Variants in KCNQ4 observed in about 807,000 individuals in gnomAD.
The protein encoded by KCNQ4 is potassium voltage-gated channel subfamily KQT member 4.
In KCNQ4, 31 loss-of-function variants were observed where a neutral mutation model predicts 72.6. That is an observed-to-expected ratio of 0.43 (90% CI 0.32 to 0.58). KCNQ4 has a LOEUF of 0.58. Among genes scored for constraint, KCNQ4 ranks in the 20% least tolerant of loss-of-function variants. KCNQ4 has a pLI of 0.08. For missense variants in KCNQ4, 869 were observed against 962.6 expected, an observed-to-expected ratio of 0.90 and a Z score of 1.29; for synonymous variants, 405 against 403.7, an observed-to-expected ratio of 1.00 and a Z score of -0.04.
intron 11 of KCNQ4, 32 bp downstream of exon 11, chr1:40,833,145 T>A (rs1291862954): frequency 6.6e-7 from 1 of 1,515,842 alleles, no homozygotes; most frequent in African/African-American, 1.4e-5. Flanking sequence ...AGCACCCCCC[T>A]CCGTGTGCCA....
intron 1 of KCNQ4, among the ~76,000 whole-genome samples, chr1:40,799,686 C>A (rs534500169): frequency 6.6e-6 from 1 of 152,290 alleles, no homozygotes; most frequent in African/African-American, 2.4e-5. Context: ...ATTGGAGGCC[C>A]TAGGTCTTAT....
rs372587985 is a variant in KCNQ4, at chr1:40,823,810, G to A, written c.1131-287G>A. ...TGGCCTCTCTGAGGAGGCACGGCAC[G>A]TTCAGGCAGTCAGCTTGATGGGCTG... On this transcript the variant is annotated intron_variant, in intron 8 of 13. Coordinates refer to ENST00000347132, the MANE Select transcript of KCNQ4 (RefSeq NM_004700.4). 7.9e-5 allele frequency among the ~76,000 whole-genome samples: 12 copies of A among 152,344 alleles called. No individual in the cohort carries two copies. The East Asian group carries it at 1.2e-3, about 15-fold the overall frequency.
chr1:40,835,376 T>C (rs571058229), intron 12 of KCNQ4, among the ~76,000 whole-genome samples: 106 of 152,326 alleles, frequency 7.0e-4, no homozygotes, highest in Non-Finnish European at 1.1e-3. Flanking sequence ...AGAATGACTG[T>C]TTCCTGGTCC....
chr1:40,791,271 T>G (rs1647279003), intron 1 of KCNQ4, among the ~76,000 whole-genome samples: 1 of 152,134 alleles, frequency 6.6e-6, no homozygotes, highest in Non-Finnish European at 1.5e-5. Context: ...ACAGTCGTGG[T>G]GGGCAAATGA....
intron 1 of KCNQ4, among the ~76,000 whole-genome samples, chr1:40,785,794 C>T (rs961730039): frequency 3.9e-5 from 6 of 152,004 alleles, no homozygotes; most frequent in African/African-American, 1.5e-4. Context: ...ACTGGGCCCA[C>T]ATAATTTCAG....
intron 9 of KCNQ4, among the ~76,000 whole-genome samples, chr1:40,829,226 G>A (rs748099711): frequency 6.6e-6 from 1 of 152,234 alleles, no homozygotes; most frequent in Non-Finnish European, 1.5e-5. Flanking sequence ...ACAGGAGAAG[G>A]GGTTGCACGG....
intron 1 of KCNQ4, among the ~76,000 whole-genome samples, chr1:40,786,705 C>T (rs537981233): frequency 2.0e-5 from 3 of 152,232 alleles, no homozygotes; most frequent in South Asian, 2.1e-4. Flanking sequence ...GTTGTCAAAG[C>T]GGGTAGAAAC....
chr1:40,786,780 G>A (rs1198381995), intron 1 of KCNQ4, among the ~76,000 whole-genome samples: 1 of 152,102 alleles, frequency 6.6e-6, no homozygotes, highest in Non-Finnish European at 1.5e-5. Context: ...TAAGCTCCAG[G>A]GGCCTGTCTG....
Position 40,839,059 on chromosome 1 carries a change from C to T in KCNQ4, c.*536C>T, listed in dbSNP as rs1288490619. The T allele has an allele frequency of 5.9e-6, 1 of 168,930 alleles. No individual in the cohort carries two copies. Among genetic ancestry groups the T allele is most frequent in the African/African-American group, 2.4e-5 (1 of 41,826 alleles). The allele number at this position is 168,930 out of a possible 1,614,324, so 10.5% of individuals were successfully genotyped here. A position where few individuals can be genotyped will look rare whatever the true frequency, so the allele number is the denominator to read the frequency against. On this transcript the variant is annotated 3_prime_UTR_variant, in exon 14 of 14. Coordinates refer to ENST00000347132, the MANE Select transcript of KCNQ4 (RefSeq NM_004700.4). ...TATGCAAACCATGTTAAATATGCAACTTTGGGGACCCCCATGGGGTCTCTC... is the reference window on the plus strand; with the variant it reads ...TATGCAAACCATGTTAAATATGCAATTTTGGGGACCCCCATGGGGTCTCTC...
chr1:40,816,578 T>C (rs1558010750), intron 1 of KCNQ4, among the ~76,000 whole-genome samples: 1 of 152,172 alleles, frequency 6.6e-6, no homozygotes, highest in Non-Finnish European at 1.5e-5. Flanking sequence ...CTTCCATTTC[T>C]ATGTCTCTGG....
intron 1 of KCNQ4, among the ~76,000 whole-genome samples, chr1:40,805,986 C>T (rs1647746463): frequency 6.6e-6 from 1 of 152,142 alleles, no homozygotes; most frequent in African/African-American, 2.4e-5. Context: ...GGACTACAGG[C>T]GCCCACCACC....
intron 1 of KCNQ4, among the ~76,000 whole-genome samples, chr1:40,815,176 G>T (rs542139927): frequency 6.7e-6 from 1 of 148,864 alleles, no homozygotes; most frequent in African/African-American, 2.5e-5. Flanking sequence ...GGAGGCGGAG[G>T]TTGCAGTGAG....
At chr1:40,785,574 C>T (rs1237169992) in intron 1 of KCNQ4, among the ~76,000 whole-genome samples, 9 of 152,098 alleles carry the variant, frequency 5.9e-5, no homozygotes, top group Non-Finnish European at 1.0e-4. Context: ...GTCTGCTCAC[C>T]CTTCCACCTA....
chr1:40,797,876 TG>T (rs1296012845), intron 1 of KCNQ4, among the ~76,000 whole-genome samples: 1 of 151,902 alleles, frequency 6.6e-6, no homozygotes, highest in African/African-American at 2.4e-5. Flanking sequence ...TGGTGGTGTG[TG>T]GGGGTGGCCT....
In KCNQ4 at chr1:40,784,461, C is replaced by CG. The variant is rs1158296266; in HGVS notation, c.314+58dup. The CG allele has an allele frequency of 7.3e-5, 113 of 1,552,168 alleles. No individual in the cohort carries two copies. Among genetic ancestry groups the CG allele is most frequent in the Non-Finnish European group, 9.9e-5 (112 of 1,136,772 alleles). Reference sequence around the variant, plus strand: ...GTTTCCCCGCGCAAGCCTGGCCTCCCGGGGCACGGCCGCCCCGCCCTGGCT... The same window carrying CG: ...GTTTCCCCGCGCAAGCCTGGCCTCCCGGGGGCACGGCCGCCCCGCCCTGGCT... On this transcript the variant is annotated intron_variant, in intron 1 of 13. Coordinates refer to ENST00000347132, the MANE Select transcript of KCNQ4 (RefSeq NM_004700.4). The surrounding 1 kb of genome is among the most constrained non-coding windows in gnomAD (Gnocchi z 4.1).
At chr1:40,801,240 A>G (rs1338622048) in intron 1 of KCNQ4, among the ~76,000 whole-genome samples, 1 of 151,920 alleles carries the variant, frequency 6.6e-6, no homozygotes, top group Admixed American at 6.6e-5. Context: ...CTAGGAAGAA[A>G]GAGGGGATCT....
chr1:40,793,004 C>CTT (rs10549805), intron 1 of KCNQ4, among the ~76,000 whole-genome samples: 24,964 of 108,968 alleles, frequency 0.23, 3,408 homozygotes, highest in African/African-American at 0.26. Flanking sequence ...TTCTTTCTTT[C>CTT]TTTTTTTTTT....
In KCNQ4 at chr1:40,788,564, C is replaced by G. The variant is rs748162879; in HGVS notation, c.314+4157C>G. ...CCTCCTCATTTGACAGATGGGGAAA[C>G]TGGGACTCAGCAGAGGCCACCCAGT... On this transcript the variant is annotated intron_variant, in intron 1 of 13. Coordinates refer to ENST00000347132, the MANE Select transcript of KCNQ4 (RefSeq NM_004700.4). This position sits in a 1 kb window ranked among gnomAD's most constrained non-coding sequence, Gnocchi z 4.5. 3.9e-5 allele frequency among the ~76,000 whole-genome samples: 6 copies of G among 152,176 alleles called. No individual in the cohort carries two copies. Among genetic ancestry groups the G allele is most frequent in the Non-Finnish European group, 5.9e-5 (4 of 68,038 alleles).
chr1:40,787,114 C>T (rs540840836), intron 1 of KCNQ4, among the ~76,000 whole-genome samples: 16 of 152,216 alleles, frequency 1.1e-4, no homozygotes, highest in East Asian at 5.8e-4. Flanking sequence ...CTGGGCGGGG[C>T]GCAGTGGCTC....
Sources: gnomAD v4.1 joint callset for allele counts (sites outside exome capture counted in the v4.1 genomes callset) on GRCh38, gnomAD v4.1.1 for gene constraint, Gnocchi (gnomAD v3.1) non-coding constraint, MANE v1.5 for transcripts, NCBI Gene and HGNC (gene_info 2026-07-23, HGNC 2026-07-21) for gene names.